The following PACRG variants were observed in gnomAD, a reference collection of about 807,000 sequenced individuals.
PACRG encodes the protein parkin coregulated.
Under a neutral mutation model 29.7 loss-of-function variants are expected in PACRG, and 29 were observed. The observed-to-expected ratio is 0.98, with a 90% CI of 0.73 to 1.33. The LOEUF is 1.33. PACRG is among the 40% of genes most tolerant of loss of function. The pLI is 0.00. For missense variants in PACRG, 279 were observed against 316.2 expected (o/e 0.88, Z 0.89); for synonymous variants, 116 against 118.7 (o/e 0.98, Z 0.15).
rs78297637 is a variant in PACRG, at chr6:163,079,077, C to T, written c.464-10182C>T. On this transcript the variant is annotated intron_variant, in intron 3 of 4. Coordinates refer to ENST00000366888, the MANE Select transcript of PACRG (RefSeq NM_001080379.2). ...GGCCACCTGACTCTTTTAACTGTCC[C>T]AGAGCATTAGAAAACTGATTGCCCA... is the stretch of plus-strand genomic sequence containing the variant. 2.0e-5 allele frequency among the ~76,000 whole-genome samples: 3 copies of T among 152,170 alleles called. No individual in the cohort carries two copies. The East Asian group carries it at 5.8e-4, about 29-fold the overall frequency.
chr6:162,893,824 C>T (rs1398408196), intron 2 of PACRG, among the ~76,000 whole-genome samples: 1 of 152,160 alleles, frequency 6.6e-6, no homozygotes, highest in African/African-American at 2.4e-5. Context: ...TCCCTGACTT[C>T]AAATGAAGTA....
intron 4 of PACRG, among the ~76,000 whole-genome samples, chr6:163,285,328 T>A (rs1420000755): frequency 6.6e-6 from 1 of 151,874 alleles, no homozygotes; most frequent in Non-Finnish European, 1.5e-5. Context: ...CCCTCCCGCT[T>A]CCCCTGACAC....
At chr6:163,080,376 G>A (rs1334189095) in intron 3 of PACRG, among the ~76,000 whole-genome samples, 13 of 152,168 alleles carry the variant, frequency 8.5e-5, no homozygotes, top group South Asian at 4.1e-4. Flanking sequence ...AACCTGCCCC[G>A]CCTCTGACAG....
chr6:162,737,772 C>T (rs889818039), intron 1 of PACRG, among the ~76,000 whole-genome samples: 2 of 152,022 alleles, frequency 1.3e-5, no homozygotes, highest in African/African-American at 4.8e-5. Context: ...TGGAAATGAT[C>T]ATATAACTCA....
intron 2 of PACRG, among the ~76,000 whole-genome samples, chr6:162,835,011 A>C (rs1224966045): frequency 1.3e-5 from 2 of 152,120 alleles, no homozygotes; most frequent in Admixed American, 1.3e-4. Context: ...TTATTATTCT[A>C]CTTGGCCTCA....
At chr6:162,997,570 T>C (rs1224307408) in intron 2 of PACRG, 1 of 336,556 alleles carries the variant, frequency 3.0e-6, no homozygotes. Context: ...CATAACAGAC[T>C]TCATAAAAGA....
At chr6:163,149,822 A>C (rs1452062451) in intron 4 of PACRG, among the ~76,000 whole-genome samples, 2 of 151,656 alleles carry the variant, frequency 1.3e-5, no homozygotes, top group South Asian at 2.1e-4. Context: ...CCTCCTTCCC[A>C]CCCTGCGTTT....
At chr6:162,938,497 A>T (rs890293977) in intron 2 of PACRG, among the ~76,000 whole-genome samples, 5 of 151,782 alleles carry the variant, frequency 3.3e-5, no homozygotes, top group Non-Finnish European at 7.4e-5. Context: ...GAGTGGCTGT[A>T]CTAGTTTACA....
At chr6:163,111,095 AT>A (rs67611728) in intron 4 of PACRG, among the ~76,000 whole-genome samples, 6,725 of 152,214 alleles carry the variant, frequency 0.044, 488 homozygotes, top group African/African-American at 0.15. Context: ...CAAGCAATTC[AT>A]TCCTATTTCT....
intron 2 of PACRG, among the ~76,000 whole-genome samples, chr6:162,830,252 C>A (rs1788635762): frequency 6.6e-6 from 1 of 152,116 alleles, no homozygotes; most frequent in South Asian, 2.1e-4. Context: ...CTGTGTCAGG[C>A]AGCCAGACTG....
At chr6:163,026,765 G>A (rs951978570) in intron 2 of PACRG, among the ~76,000 whole-genome samples, 1 of 152,190 alleles carries the variant, frequency 6.6e-6, no homozygotes, top group African/African-American at 2.4e-5. Flanking sequence ...ATATTTTGTT[G>A]AATGACTAAA....
At chr6:162,812,477 A>G (rs1368758806) in intron 1 of PACRG, among the ~76,000 whole-genome samples, 1 of 152,022 alleles carries the variant, frequency 6.6e-6, no homozygotes. Flanking sequence ...AACTTGGTCA[A>G]ATTTTCTTTC....
At position 162,948,833 on chromosome 6, in the gene PACRG, A is replaced by G. The variant is rs562654929; in HGVS notation, c.292-113317A>G. Among the ~76,000 whole-genome samples, 40 of 152,244 alleles carry G rather than the reference A, an allele frequency of 2.6e-4. 1 individual carries two copies. The South Asian group carries it at 8.1e-3, about 31-fold the overall frequency. ...GGAAATGCAAATCAAAACCACAATAAAAATATCATCTTACTCCAGTGAAAA... is the reference window on the plus strand; with the variant it reads ...GGAAATGCAAATCAAAACCACAATAGAAATATCATCTTACTCCAGTGAAAA... On this transcript the variant is annotated intron_variant, in intron 2 of 4. Coordinates refer to ENST00000366888, the MANE Select transcript of PACRG (RefSeq NM_001080379.2).
At chr6:162,843,423 T>A (rs1303825340) in intron 2 of PACRG, among the ~76,000 whole-genome samples, 1 of 147,682 alleles carries the variant, frequency 6.8e-6, no homozygotes, top group African/African-American at 2.5e-5. Flanking sequence ...TTCACGTAGT[T>A]CTCGAGCCTT....
At chr6:163,104,347 T>C (rs573125932) in intron 4 of PACRG, among the ~76,000 whole-genome samples, 1 of 152,344 alleles carries the variant, frequency 6.6e-6, no homozygotes, top group East Asian at 1.9e-4. Flanking sequence ...CCCAGCCAAA[T>C]TCCTTCTCAG....
At chr6:163,128,342 A>T (rs1816597312) in intron 4 of PACRG, among the ~76,000 whole-genome samples, 1 of 152,220 alleles carries the variant, frequency 6.6e-6, no homozygotes, top group African/African-American at 2.4e-5. Context: ...AAAGGCACTA[A>T]GTATATTAGG....
chr6:163,072,433 AACTG>A (rs540456546), intron 3 of PACRG, among the ~76,000 whole-genome samples: 61 of 152,260 alleles, frequency 4.0e-4, no homozygotes, highest in Non-Finnish European at 7.4e-4. Flanking sequence ...CCCCTCAAAA[AACTG>A]ACTATCAAAG....
At chr6:162,865,181 A>G (rs1285986635) in intron 2 of PACRG, among the ~76,000 whole-genome samples, 2 of 152,208 alleles carry the variant, frequency 1.3e-5, no homozygotes, top group Non-Finnish European at 2.9e-5. Flanking sequence ...GATAATTGGC[A>G]TATACTGGTT....
intron 2 of PACRG, among the ~76,000 whole-genome samples, chr6:163,032,078 A>G (rs79961232): frequency 6.6e-6 from 1 of 152,232 alleles, no homozygotes; most frequent in African/African-American, 2.4e-5. Flanking sequence ...ATATTCACAA[A>G]TAGTTTCCAA....
Sources: gnomAD v4.1 joint callset for allele counts (sites outside exome capture counted in the v4.1 genomes callset) on GRCh38, gnomAD v4.1.1 for gene constraint, MANE v1.5 for transcripts, NCBI Gene and HGNC (gene_info 2026-07-23, HGNC 2026-07-21) for gene names.